IQGAP2: variants seen among roughly 807,000 people sequenced by gnomAD.
The protein encoded by IQGAP2 is ras GTPase-activating-like protein IQGAP2.
Under a neutral mutation model 201.3 loss-of-function variants are expected in IQGAP2, and 173 were observed. The observed-to-expected ratio is 0.86, with a 90% CI of 0.76 to 0.98. The LOEUF is 0.98. IQGAP2 is among the 50% of genes least tolerant of loss of function. The pLI is 0.00. For missense variants in IQGAP2, 1,687 were observed against 1,864.8 expected (o/e 0.90, Z 1.76); for synonymous variants, 675 against 673.9 (o/e 1.00, Z -0.03).
chr5:76,479,161 T>C (rs114182107), intron 2 of IQGAP2, among the ~76,000 whole-genome samples: 1 of 152,222 alleles, frequency 6.6e-6, no homozygotes, highest in Non-Finnish European at 1.5e-5. Flanking sequence ...CTGTGCATAG[T>C]ATGCTTTATG....
rs59978990 is a variant in IQGAP2, at chr5:76,455,453, C to CA, written c.47-6095dup. Among the ~76,000 whole-genome samples, 554 of 80,856 alleles carry CA rather than the reference C, an allele frequency of 6.9e-3. 6 individuals are homozygous for CA. Among genetic ancestry groups the CA allele is most frequent in the Middle Eastern group, 0.013 (2 of 156 alleles). 53.0% of individuals were successfully genotyped at this position (80,856 alleles called of 152,430 possible). ...GGGCAACAAGAGCGAGACTCTGTCT[C>CA]AAAAAAAAAAAAAAAAAAAAAAGAG... On this transcript the variant is annotated intron_variant, in intron 1 of 35. Transcript: ENST00000274364.
chr5:76,593,793 T>G (rs892378546), intron 9 of IQGAP2, among the ~76,000 whole-genome samples: 1 of 152,204 alleles, frequency 6.6e-6, no homozygotes, highest in Non-Finnish European at 1.5e-5. Context: ...ATTACAACAG[T>G]CCTAAACCTT....
chr5:76,682,490 T>C (rs1225686455), intron 28 of IQGAP2, among the ~76,000 whole-genome samples: 2 of 151,992 alleles, frequency 1.3e-5, no homozygotes, highest in African/African-American at 4.8e-5. Flanking sequence ...AAGTGTTGTC[T>C]TTCATGGTTT....
intron 2 of IQGAP2, among the ~76,000 whole-genome samples, chr5:76,556,025 A>T (rs1262762234): frequency 6.6e-6 from 1 of 152,154 alleles, no homozygotes; most frequent in Non-Finnish European, 1.5e-5. Flanking sequence ...CTGCCAGGAA[A>T]ATTTAGGACA....
intron 12 of IQGAP2, 132 bp downstream of exon 12, chr5:76,606,435 C>A: frequency 1.7e-6 from 1 of 579,012 alleles, no homozygotes; most frequent in South Asian, 3.6e-5. Flanking sequence ...AATATGCATA[C>A]CTTTATTTAT....
At chr5:76,597,929 C>T (rs998090922) in intron 10 of IQGAP2, among the ~76,000 whole-genome samples, 14 of 152,012 alleles carry the variant, frequency 9.2e-5, no homozygotes, top group African/African-American at 3.4e-4. Context: ...ATTTTTTTTA[C>T]AATATATAAT....
At chr5:76,511,697 T>C (rs1580354838) in intron 2 of IQGAP2, among the ~76,000 whole-genome samples, 1 of 151,874 alleles carries the variant, frequency 6.6e-6, no homozygotes, top group South Asian at 2.1e-4. Flanking sequence ...TTTTTTTTTT[T>C]TGAGACGGAG....
chr5:76,629,001 TA>T (rs1199347067), intron 14 of IQGAP2, among the ~76,000 whole-genome samples: 1 of 152,226 alleles, frequency 6.6e-6, no homozygotes, highest in East Asian at 1.9e-4. Context: ...AGAAGGTTTT[TA>T]AAATGTTCTT....
rs755031524 is a variant in IQGAP2, at chr5:76,618,546, GA to G, written c.1521+7367del. The G allele has an allele frequency of 9.3e-6, 15 of 1,614,016 alleles. No homozygotes were observed. Among genetic ancestry groups the G allele is most frequent in the South Asian group, 3.3e-5 (3 of 91,090 alleles). On this transcript the variant is annotated intron_variant, in intron 13 of 35. Coordinates refer to ENST00000274364, the MANE Select transcript of IQGAP2 (RefSeq NM_006633.5). ...GGCTCCTGTCCAGCCTTCCAAGGCAGAAAAGGGGAACTCTTCAAAAGAATTT... is the reference window on the plus strand; with the variant it reads ...GGCTCCTGTCCAGCCTTCCAAGGCAGAAAGGGGAACTCTTCAAAAGAATTT...
At chr5:76,636,225 G>A (rs1384601529) in intron 15 of IQGAP2, among the ~76,000 whole-genome samples, 1 of 152,228 alleles carries the variant, frequency 6.6e-6, no homozygotes, top group Non-Finnish European at 1.5e-5. Context: ...CTTAGTCTAA[G>A]TTAGAACTTC....
chr5:76,410,716 C>G, intron 1 of IQGAP2, among the ~76,000 whole-genome samples: 1 of 152,138 alleles, frequency 6.6e-6, no homozygotes, highest in Non-Finnish European at 1.5e-5. Flanking sequence ...CCTCATTTTT[C>G]TTCATTCTCT....
At chr5:76,551,897 AGGGGAG>A (rs1743574570) in intron 2 of IQGAP2, among the ~76,000 whole-genome samples, 1 of 3,130 alleles carries the variant, frequency 3.2e-4, no homozygotes, top group Non-Finnish European at 6.7e-4. Context: ...GGGGAGGGGG[AGGGGAG>A]GGGGAGGGAG....
chr5:76,442,403 A>G (rs146076789), intron 1 of IQGAP2, among the ~76,000 whole-genome samples: 5 of 152,374 alleles, frequency 3.3e-5, no homozygotes, highest in African/African-American at 4.8e-5. Context: ...TTGACATAAT[A>G]CAGACCTATG....
chr5:76,635,253 A>G (rs1751030941), intron 15 of IQGAP2, among the ~76,000 whole-genome samples: 1 of 152,204 alleles, frequency 6.6e-6, no homozygotes, highest in Non-Finnish European at 1.5e-5. Flanking sequence ...TTTGGATGAG[A>G]GCTAAAAACA....
rs563885858 is a variant in IQGAP2, at chr5:76,434,663, C to A, written c.47-26907C>A. Among the ~76,000 whole-genome samples, 5 of 152,212 alleles carry A rather than the reference C, an allele frequency of 3.3e-5. No individual in the cohort carries two copies. In the South Asian group the frequency reaches 1.0e-3, roughly 32 times the overall value. On this transcript the variant is annotated intron_variant, in intron 1 of 35. Transcript: ENST00000274364. Reference sequence around the variant, plus strand: ...TTGTGAAAAAGACACCTGCATTAAACATACACATGCAGGTGTCTTTTTTAT... The same window carrying A: ...TTGTGAAAAAGACACCTGCATTAAAAATACACATGCAGGTGTCTTTTTTAT...
At chr5:76,466,119 T>C (rs183896558) in intron 2 of IQGAP2, among the ~76,000 whole-genome samples, 2 of 152,144 alleles carry the variant, frequency 1.3e-5, no homozygotes, top group Admixed American at 1.3e-4. Flanking sequence ...GAGTATTGCT[T>C]GAGGCCAGGA....
At chr5:76,488,355 T>C (rs955907814) in intron 2 of IQGAP2, among the ~76,000 whole-genome samples, 3 of 152,252 alleles carry the variant, frequency 2.0e-5, no homozygotes, top group Non-Finnish European at 2.9e-5. Context: ...CCTTCTCTTA[T>C]AGATTAAATA....
At chr5:76,618,585 C>T (rs754163616) in intron 13 of IQGAP2, 20 of 1,613,922 alleles carry the variant, frequency 1.2e-5, no homozygotes, top group South Asian at 2.2e-5. Context: ...GGGAGCTCCA[C>T]GAAAGGTCTT....
At chr5:76,477,629 G>A (rs1293075643) in intron 2 of IQGAP2, among the ~76,000 whole-genome samples, 1 of 152,124 alleles carries the variant, frequency 6.6e-6, no homozygotes, top group Non-Finnish European at 1.5e-5. Context: ...ATGTTTTTAT[G>A]TTATTTTTAG....
Sources: gnomAD v4.1 joint callset for allele counts (sites outside exome capture counted in the v4.1 genomes callset) on GRCh38, gnomAD v4.1.1 for gene constraint, MANE v1.5 for transcripts, NCBI Gene and HGNC (gene_info 2026-07-23, HGNC 2026-07-21) for gene names.